CNTNAP2: variants seen among roughly 807,000 people sequenced by gnomAD.
CNTNAP2 encodes contactin-associated protein-like 2.
In CNTNAP2, 98 loss-of-function variants were observed where a neutral mutation model predicts 155.2. The ratio of observed to expected loss-of-function variants is 0.63; its 90% confidence interval spans 0.54 to 0.75. The LOEUF is 0.75. Among genes scored for constraint, CNTNAP2 ranks in the 30% least tolerant of loss-of-function variants. CNTNAP2 has a pLI of 0.00. For synonymous variants in CNTNAP2, 651 were observed against 631.2 expected (o/e 1.03, Z -0.47); for missense variants, 1,727 against 1,688.1 (o/e 1.02, Z -0.40).
At chr7:148,065,600 T>G (rs2116519933) in intron 15 of CNTNAP2, among the ~76,000 whole-genome samples, 1 of 152,266 alleles carries the variant, frequency 6.6e-6, no homozygotes, top group South Asian at 2.1e-4. Context: ...GATATATGAA[T>G]AGCTACTCCT....
At chr7:147,816,964 C>T (rs1343152363) in intron 13 of CNTNAP2, among the ~76,000 whole-genome samples, 3 of 152,154 alleles carry the variant, frequency 2.0e-5, no homozygotes, top group Non-Finnish European at 2.9e-5. Context: ...GCAGACTGCA[C>T]CATCTATGAA....
intron 13 of CNTNAP2, among the ~76,000 whole-genome samples, chr7:147,876,123 G>A (rs1799415554): frequency 6.6e-6 from 1 of 152,150 alleles, no homozygotes; most frequent in Non-Finnish European, 1.5e-5. Context: ...CCTACCGGAA[G>A]AGAACACTCT....
intron 1 of CNTNAP2, among the ~76,000 whole-genome samples, chr7:146,340,193 A>G (rs1181878087): frequency 6.8e-6 from 1 of 146,974 alleles, no homozygotes; most frequent in Non-Finnish European, 1.5e-5. Context: ...AAAAAAAAAG[A>G]AATACATAGG....
rs1432050351 is a variant in CNTNAP2 at position 147,316,965 on chromosome 7, A to G, written c.1498+16675A>G. Reference sequence around the variant, plus strand: ...AATTGCATTCTCCTAGACCTGTCTAATATTTTCCATATCAGTGAATGTGCC... The same window carrying G: ...AATTGCATTCTCCTAGACCTGTCTAGTATTTTCCATATCAGTGAATGTGCC... On this transcript the variant is annotated intron_variant, in intron 9 of 23. Transcript: ENST00000361727. 5.3e-5 allele frequency among the ~76,000 whole-genome samples: 8 copies of G among 152,242 alleles called. No individual in the cohort carries two copies. The South Asian group carries it at 1.4e-3, about 28-fold the overall frequency.
At chr7:146,506,979 C>A (rs1412517086) in intron 1 of CNTNAP2, among the ~76,000 whole-genome samples, 1 of 152,130 alleles carries the variant, frequency 6.6e-6, no homozygotes, top group Non-Finnish European at 1.5e-5. Flanking sequence ...CCTTATCTTG[C>A]ATCAGGACTA....
At chr7:148,094,359 AAAT>A (rs1803917620) in intron 15 of CNTNAP2, among the ~76,000 whole-genome samples, 2 of 152,366 alleles carry the variant, frequency 1.3e-5, no homozygotes, top group South Asian at 4.1e-4. Flanking sequence ...TTTTCTTTAC[AAAT>A]AATAGTGTTT....
intron 8 of CNTNAP2, among the ~76,000 whole-genome samples, chr7:147,145,667 C>G (rs1801687837): frequency 6.6e-6 from 1 of 152,092 alleles, no homozygotes; most frequent in Non-Finnish European, 1.5e-5. Context: ...TTGTTTAGAG[C>G]TTTTCTCCTG....
At chr7:147,540,796 A>G (rs1308327558) in intron 11 of CNTNAP2, among the ~76,000 whole-genome samples, 1 of 151,800 alleles carries the variant, frequency 6.6e-6, no homozygotes, top group Non-Finnish European at 1.5e-5. Flanking sequence ...GTGCCACTGC[A>G]ATCCAGCCTG....
intron 14 of CNTNAP2, among the ~76,000 whole-genome samples, chr7:147,964,253 T>C (rs1747120121): frequency 6.6e-6 from 1 of 152,140 alleles, no homozygotes. Flanking sequence ...GATCTTGGAC[T>C]TCAAGCTTTC....
intron 11 of CNTNAP2, among the ~76,000 whole-genome samples, chr7:147,558,716 C>T (rs5002290): frequency 1.3e-4 from 6 of 44,732 alleles, no homozygotes; most frequent in Non-Finnish European, 2.6e-4. Context: ...TTCCTTCCTT[C>T]CTTCCTTCCT....
chr7:146,494,933 C>G (rs1289098999), intron 1 of CNTNAP2, among the ~76,000 whole-genome samples: 1 of 152,100 alleles, frequency 6.6e-6, no homozygotes, highest in African/African-American at 2.4e-5. Context: ...GGGCATTTAC[C>G]AACTGCATAT....
chr7:147,197,454 A>G (rs1006735642), intron 8 of CNTNAP2, among the ~76,000 whole-genome samples: 1 of 151,514 alleles, frequency 6.6e-6, no homozygotes, highest in Non-Finnish European at 1.5e-5. Context: ...AAGAACCTGT[A>G]CATCCTCCAC....
intron 1 of CNTNAP2, among the ~76,000 whole-genome samples, chr7:146,317,141 G>A (rs1204663021): frequency 6.6e-6 from 1 of 152,082 alleles, no homozygotes; most frequent in Non-Finnish European, 1.5e-5. Context: ...TGATTATCAT[G>A]TTTGAATTTC....
chr7:146,718,308 A>G (rs1252833085), intron 1 of CNTNAP2, among the ~76,000 whole-genome samples: 1 of 152,116 alleles, frequency 6.6e-6, no homozygotes, highest in African/African-American at 2.4e-5. Context: ...TCTTCTTATA[A>G]GCTTAGGCTA....
chr7:148,215,284 C>T (rs1281888175), intron 18 of CNTNAP2, among the ~76,000 whole-genome samples: 1 of 152,182 alleles, frequency 6.6e-6, no homozygotes, highest in Non-Finnish European at 1.5e-5. Context: ...AGGAGGATTA[C>T]ATAATTGTTT....
At chr7:148,026,103 CT>C (rs1802370151) in intron 15 of CNTNAP2, among the ~76,000 whole-genome samples, 1 of 152,126 alleles carries the variant, frequency 6.6e-6, no homozygotes, top group Admixed American at 6.5e-5. Context: ...ATTTACATCA[CT>C]GCCTTCCAGG....
chr7:147,781,363 C>T (rs781349452), intron 13 of CNTNAP2, among the ~76,000 whole-genome samples: 2 of 152,106 alleles, frequency 1.3e-5, no homozygotes, highest in Non-Finnish European at 2.9e-5. Flanking sequence ...AAATAAGTCA[C>T]CTAACTCCCT....
chr7:147,802,310 G>A (rs1356926553), intron 13 of CNTNAP2, among the ~76,000 whole-genome samples: 11 of 147,778 alleles, frequency 7.4e-5, no homozygotes, highest in South Asian at 2.1e-4. Flanking sequence ...CCAGGCAGAG[G>A]GGCTCCTCAC....
intron 9 of CNTNAP2, among the ~76,000 whole-genome samples, chr7:147,353,278 C>A (rs1271143694): frequency 6.6e-6 from 1 of 151,886 alleles, no homozygotes; most frequent in Non-Finnish European, 1.5e-5. Flanking sequence ...AGGTATTTCT[C>A]CCAATGTTAT....
Sources: allele counts gnomAD v4.1 joint callset (sites outside exome capture counted in the v4.1 genomes callset), GRCh38; gene constraint gnomAD v4.1.1; transcripts MANE v1.5; gene names NCBI Gene and HGNC (gene_info 2026-07-23, HGNC 2026-07-21).